HCN1: variants seen among roughly 807,000 people sequenced by gnomAD.
HCN1 encodes the protein potassium/sodium hyperpolarization-activated cyclic nucleotide-gated channel 1.
A neutral mutation model predicts 78.9 loss-of-function variants in HCN1; 13 were observed. The ratio of observed to expected loss-of-function variants is 0.16; its 90% CI spans 0.11 to 0.26. The LOEUF (loss-of-function observed/expected upper bound fraction) is 0.26. HCN1 is among the 10% of genes least tolerant of loss of function. The probability of loss-of-function intolerance (pLI) is 1.00; values close to 1 mark genes in which losing one functional copy is unlikely to be tolerated. For synonymous variants in HCN1, 552 were observed against 455.5 expected (o/e 1.21, Z -2.70); for missense variants, 810 against 1,154.3 (o/e 0.70, Z 4.32).
chr5:45,270,570 C>G (rs1020151069), intron 6 of HCN1, among the ~76,000 whole-genome samples: 7 of 152,162 alleles, frequency 4.6e-5, no homozygotes, highest in Non-Finnish European at 1.0e-4. Context: ...CTCCTGGTTG[C>G]TCCCAAATAC....
intron 4 of HCN1, among the ~76,000 whole-genome samples, chr5:45,378,800 G>A (rs536726490): frequency 2.0e-5 from 3 of 152,004 alleles, no homozygotes; most frequent in East Asian, 3.9e-4. Context: ...AGGCCATGGT[G>A]TGTGATGTTC....
intron 4 of HCN1, among the ~76,000 whole-genome samples, chr5:45,373,590 TTACA>T (rs1452538155): frequency 3.6e-5 from 5 of 139,784 alleles, no homozygotes; most frequent in Non-Finnish European, 6.1e-5. Context: ...CTATAATATA[TTACA>T]TACGGTATAT....
chr5:45,468,717 C>A (rs1309202151), intron 2 of HCN1, among the ~76,000 whole-genome samples: 1 of 151,890 alleles, frequency 6.6e-6, no homozygotes, highest in Non-Finnish European at 1.5e-5. Flanking sequence ...AGAGAAATAT[C>A]AACAAATGGG....
Position 45,593,291 on chromosome 5 carries a change from TTCTC to T in HCN1, c.849+51890_849+51893del, listed in dbSNP as rs372080697. 2.6e-3 allele frequency among the ~76,000 whole-genome samples: 326 copies of T among 124,522 alleles called. 1 individual carries two copies. The highest frequency in any genetic ancestry group is 6.3e-3 in the East Asian group (28 of 4,470). 81.7% of individuals were successfully genotyped at this position (124,522 alleles called of 152,430 possible). On this transcript the variant is annotated intron_variant, in intron 2 of 7. Coordinates refer to ENST00000303230, the MANE Select transcript of HCN1 (RefSeq NM_021072.4). ...ATCCAGAGACAAAGGTAGAGGTATA[TTCTC>T]TCTCTCTCTCTCTCTCTCTCTCTCT...
intron 5 of HCN1, among the ~76,000 whole-genome samples, chr5:45,337,457 A>G (rs935470086): frequency 2.6e-5 from 4 of 152,126 alleles, no homozygotes; most frequent in Non-Finnish European, 5.9e-5. Flanking sequence ...TATAAGCACA[A>G]GCACTACTGT....
At chr5:45,571,286 T>C (rs1377929665) in intron 2 of HCN1, among the ~76,000 whole-genome samples, 3 of 152,132 alleles carry the variant, frequency 2.0e-5, no homozygotes, top group African/African-American at 4.8e-5. Context: ...CTGACAATTA[T>C]TGGTGTAAAA....
intron 6 of HCN1, among the ~76,000 whole-genome samples, chr5:45,301,137 G>A (rs1415417541): frequency 2.6e-5 from 4 of 151,772 alleles, no homozygotes; most frequent in Non-Finnish European, 4.4e-5. Flanking sequence ...ATATATCTTA[G>A]CTGTAAATGA....
chr5:45,363,162 A>ATG (rs1747160074), intron 4 of HCN1, among the ~76,000 whole-genome samples: 1 of 145,702 alleles, frequency 6.9e-6, no homozygotes, highest in African/African-American at 2.5e-5. Context: ...ATATATATAT[A>ATG]TATATATCTG....
chr5:45,603,247 T>G (rs1020293629), intron 2 of HCN1, among the ~76,000 whole-genome samples: 1 of 152,052 alleles, frequency 6.6e-6, no homozygotes, highest in African/African-American at 2.4e-5. Context: ...ACCAATTTTC[T>G]TCCATTCTCA....
intron 2 of HCN1, among the ~76,000 whole-genome samples, chr5:45,572,878 TG>T (rs1743862972): frequency 6.6e-6 from 1 of 152,164 alleles, no homozygotes; most frequent in South Asian, 2.1e-4. Flanking sequence ...AATGTCATTG[TG>T]ATTTGTGATA....
intron 2 of HCN1, among the ~76,000 whole-genome samples, chr5:45,563,321 G>T (rs535915153): frequency 1.3e-5 from 2 of 151,944 alleles, no homozygotes; most frequent in South Asian, 2.1e-4. Flanking sequence ...GTGTGGTGGC[G>T]GGTGCCTGTA....
rs1219412264 is a variant in HCN1, at chr5:45,262,520, C to T, written c.2074G>A (p.Ala692Thr). The change falls in exon 8 of 8, where the codon GCC (alanine) becomes ACC (threonine). Residue 692 changes from alanine to threonine, a missense_variant. This residue lies in a region of HCN1 where 398 missense variants were observed against 381.3 expected (regional missense o/e 1.04). Coordinates refer to ENST00000303230, the MANE Select transcript of HCN1 (RefSeq NM_021072.4). ...SPSTQTPQPS[A>T]ILSPCSYTTA... ...GTGTAGGAGCAGGGTGACAGGATGG[C>T]TGATGGCTGGGGGGTCTGTGTGCTG... is the stretch of plus-strand genomic sequence containing the variant. The T allele has an allele frequency of 6.2e-7, 1 of 1,613,386 alleles. No homozygotes were observed. The highest frequency in any genetic ancestry group is 1.7e-5 in the Admixed American group (1 of 59,956).
chr5:45,308,220 G>A (rs1014120702), intron 5 of HCN1, among the ~76,000 whole-genome samples: 2 of 151,950 alleles, frequency 1.3e-5, no homozygotes, highest in East Asian at 1.9e-4. Flanking sequence ...ATTTCCTGAG[G>A]TCCTCACTAG....
intron 4 of HCN1, among the ~76,000 whole-genome samples, chr5:45,372,029 TA>T (rs1328846204): frequency 1.5e-5 from 1 of 68,890 alleles, no homozygotes; most frequent in Non-Finnish European, 2.4e-5. Context: ...ATATATAATA[TA>T]ATTATATATA....
intron 5 of HCN1, among the ~76,000 whole-genome samples, chr5:45,319,211 C>T (rs568093562): frequency 6.6e-6 from 1 of 151,896 alleles, no homozygotes; most frequent in Non-Finnish European, 1.5e-5. Flanking sequence ...TGAGTGTACA[C>T]CATATATTGG....
At chr5:45,413,826 T>A (rs1740068517) in intron 3 of HCN1, among the ~76,000 whole-genome samples, 1 of 151,942 alleles carries the variant, frequency 6.6e-6, no homozygotes, top group South Asian at 2.1e-4. Context: ...TCAAAGACAA[T>A]AATCTACTGC....
At chr5:45,311,850 C>T (rs1356349850) in intron 5 of HCN1, among the ~76,000 whole-genome samples, 1 of 152,206 alleles carries the variant, frequency 6.6e-6, no homozygotes, top group Non-Finnish European at 1.5e-5. Context: ...GGAATTTTCA[C>T]CCTCAAAGTT....
intron 6 of HCN1, among the ~76,000 whole-genome samples, chr5:45,271,760 CA>C (rs1294031835): frequency 2.0e-5 from 3 of 152,062 alleles, no homozygotes; most frequent in Non-Finnish European, 4.4e-5. Context: ...TAATCACCTA[CA>C]AAAATTCCCT....
intron 5 of HCN1, among the ~76,000 whole-genome samples, chr5:45,307,810 T>A (rs1459717193): frequency 6.6e-6 from 1 of 152,086 alleles, no homozygotes; most frequent in Non-Finnish European, 1.5e-5. Flanking sequence ...GACTTAATAA[T>A]AATGTATCAA....
Sources: allele counts gnomAD v4.1 joint callset (sites outside exome capture counted in the v4.1 genomes callset), GRCh38; gene constraint gnomAD v4.1.1; regional missense constraint gnomAD v4.1.1; transcripts MANE v1.5; gene names NCBI Gene and HGNC (gene_info 2026-07-23, HGNC 2026-07-21).